Variants in ZNF280D observed in about 807,000 individuals in gnomAD.
The protein encoded by ZNF280D is suppressor of hairy wing homolog 4.
In ZNF280D, 39 loss-of-function variants were observed where a neutral mutation model predicts 94.7. The ratio of observed to expected loss-of-function variants is 0.41; its 90% CI spans 0.32 to 0.54. The LOEUF is 0.54. ZNF280D is among the 20% of genes least tolerant of loss of function. The pLI, the probability that ZNF280D is intolerant of heterozygous loss-of-function variation, is 0.22. For missense variants in ZNF280D, 1,090 were observed against 1,149.3 expected (o/e 0.95, Z 0.75); for synonymous variants, 398 against 377.6 (o/e 1.05, Z -0.63).
chr15:56,667,069 A>G, intron 14 of ZNF280D, 83 bp from the exon 15 acceptor site: 1 of 1,159,804 alleles, frequency 8.6e-7, no homozygotes, highest in Non-Finnish European at 1.2e-6. Context: ...AATAGTTAAA[A>G]ATCAAGAATT....
At chr15:56,711,493 G>C (rs1418002222) in intron 1 of ZNF280D, among the ~76,000 whole-genome samples, 1 of 151,782 alleles carries the variant, frequency 6.6e-6, no homozygotes, top group Non-Finnish European at 1.5e-5. Context: ...GGTGAAACCG[G>C]GACTCTACTA....
chr15:56,733,428 C>G, intron 1 of ZNF280D, 30 bp downstream of exon 1: 2 of 1,049,732 alleles, frequency 1.9e-6, no homozygotes, highest in Non-Finnish European at 2.3e-6. Context: ...TGCTGCAGCG[C>G]AGGGCGGGCG....
intron 4 of ZNF280D, among the ~76,000 whole-genome samples, chr15:56,701,579 C>T (rs1252830621): frequency 1.3e-5 from 2 of 152,066 alleles, no homozygotes; most frequent in East Asian, 3.9e-4. Context: ...TTTCCAAAAA[C>T]ATATTTATAT....
intron 19 of ZNF280D, among the ~76,000 whole-genome samples, chr15:56,650,721 A>G (rs1210028523): frequency 6.6e-6 from 1 of 152,188 alleles, no homozygotes; most frequent in African/African-American, 2.4e-5. Context: ...ACTTTTTGTC[A>G]AGAAAAAGAA....
intron 16 of ZNF280D, among the ~76,000 whole-genome samples, chr15:56,661,172 T>C (rs2053920480): frequency 6.6e-6 from 1 of 152,162 alleles, no homozygotes; most frequent in African/African-American, 2.4e-5. Context: ...TTCACTGCAG[T>C]TAGAAGACTC....
At position 56,704,590 on chromosome 15, in the gene ZNF280D, C is replaced by T. The variant is rs562245382; in HGVS notation, c.29-323G>A. Reference sequence around the variant, plus strand: ...ATTATCTCTACAAAAAGGATTATACCCACTGTCTTTTTAAAAATGTATTCA... The same window carrying T: ...ATTATCTCTACAAAAAGGATTATACTCACTGTCTTTTTAAAAATGTATTCA... On this transcript the variant is annotated intron_variant, in intron 3 of 21. Transcript: ENST00000267807. Among the ~76,000 whole-genome samples, 43 of 152,154 alleles carry T rather than the reference C, an allele frequency of 2.8e-4. No individual in the cohort carries two copies. In the South Asian group the frequency reaches 8.1e-3, roughly 29 times the overall value.
intron 10 of ZNF280D, among the ~76,000 whole-genome samples, chr15:56,680,446 G>T (rs1432320448): frequency 4.6e-5 from 7 of 152,020 alleles, no homozygotes; most frequent in African/African-American, 1.7e-4. Context: ...TACGTAGCTA[G>T]TCTTCATAAA....
In ZNF280D at chr15:56,631,797, T is replaced by C; in HGVS notation, c.2641A>G (p.Ile881Val). The C allele has an allele frequency of 6.2e-7, 1 of 1,614,118 alleles. No individual in the cohort carries two copies. Among genetic ancestry groups the C allele is most frequent in the South Asian group, 1.1e-5 (1 of 91,076 alleles). Residue 881 changes from isoleucine to valine, a missense_variant, in exon 22 of 22, where the codon ATT becomes GTT. Ile to Val is a conservative substitution (Grantham distance 29, BLOSUM62 3). This residue lies in a region of ZNF280D where 577 missense variants were observed against 568.8 expected (regional missense o/e 1.01). Transcript: ENST00000267807. Reference sequence around the variant, plus strand: ...TCTGATGCTAATCGCAAATCCTTAATATTCTTTGAAGAAAATCTGGCTTCA... The same window carrying C: ...TCTGATGCTAATCGCAAATCCTTAACATTCTTTGAAGAAAATCTGGCTTCA... ...SSEARFSSKN[I>V]KDLRLASDNV...
intron 9 of ZNF280D, among the ~76,000 whole-genome samples, chr15:56,684,346 A>T (rs1167462276): frequency 6.6e-6 from 1 of 152,204 alleles, no homozygotes; most frequent in African/African-American, 2.4e-5. Flanking sequence ...AAAAATGTAA[A>T]ATTCTAACAA....
chr15:56,678,612 T>G, intron 11 of ZNF280D, 52 bp downstream of exon 11: 1 of 1,378,802 alleles, frequency 7.3e-7, no homozygotes, highest in East Asian at 2.6e-5. Flanking sequence ...TTCTCACAAT[T>G]TATATTAGCG....
At chr15:56,651,799 A>G (rs1359897295) in intron 19 of ZNF280D, among the ~76,000 whole-genome samples, 4 of 152,044 alleles carry the variant, frequency 2.6e-5, no homozygotes, top group Non-Finnish European at 4.4e-5. Context: ...TTTCCCCCCA[A>G]ATATTTTCAA....
At chr15:56,727,983 T>C (rs969878700) in intron 1 of ZNF280D, among the ~76,000 whole-genome samples, 3 of 152,108 alleles carry the variant, frequency 2.0e-5, no homozygotes, top group Admixed American at 2.0e-4. Flanking sequence ...TCAAAGAAAA[T>C]GTGACAGTCT....
At chr15:56,669,874 T>A (rs1445254160) in intron 13 of ZNF280D, among the ~76,000 whole-genome samples, 2 of 3,970 alleles carry the variant, frequency 5.0e-4, no homozygotes, top group Non-Finnish European at 1.1e-3. Context: ...ATATATATTT[T>A]ATATATATAT....
chr15:56,689,316 C>A lies in ZNF280D; in HGVS notation c.654G>T (p.Gln218His), dbSNP rs753931533. The A allele has an allele frequency of 3.1e-6, 5 of 1,600,158 alleles. No homozygotes were observed. Among genetic ancestry groups the A allele is most frequent in the Non-Finnish European group, 4.3e-6 (5 of 1,175,658 alleles). Reference protein sequence around the residue: ...SVKSPSVTSSQAMLAKGTNTS... With the variant: ...SVKSPSVTSSHAMLAKGTNTS... Reference sequence around the variant, plus strand: ...CATATTTACCTTTTGCTAGCATAGCCTGGGAAGAAGTCACTGAAGGAGATT... The same window carrying A: ...CATATTTACCTTTTGCTAGCATAGCATGGGAAGAAGTCACTGAAGGAGATT... Residue 218 changes from glutamine (Q) to histidine (H), a missense_variant, in exon 8 of 22, where the codon CAG (glutamine) becomes CAT (histidine). Transcript: ENST00000267807.
chr15:56,657,683 T>C (rs1220884819), intron 17 of ZNF280D, among the ~76,000 whole-genome samples: 2 of 152,176 alleles, frequency 1.3e-5, no homozygotes, highest in African/African-American at 2.4e-5. Flanking sequence ...TACCACTTTA[T>C]ACCCATTAGG....
Position 56,635,106 on chromosome 15 carries a change from T to C in ZNF280D, c.2315+89A>G, listed in dbSNP as rs1177882130. The C allele has an allele frequency of 4.1e-6, 3 of 734,628 alleles. No homozygotes were observed. In the East Asian group the frequency reaches 9.6e-5, roughly 23 times the overall value. 45.5% of individuals were successfully genotyped at this position (734,628 alleles called of 1,614,324 possible). A position where few individuals can be genotyped will look rare whatever the true frequency, so the allele number is the denominator to read the frequency against. Reference sequence around the variant, plus strand: ...GCACTATATACAAACATTTAAATAGTCCTTTGCCAGTTAACTGTGAAATAA... The same window carrying C: ...GCACTATATACAAACATTTAAATAGCCCTTTGCCAGTTAACTGTGAAATAA... On this transcript the variant is annotated intron_variant, in intron 21 of 21. Transcript: ENST00000267807.
chr15:56,683,379 G>C (rs188691070), intron 9 of ZNF280D, among the ~76,000 whole-genome samples: 1 of 152,254 alleles, frequency 6.6e-6, no homozygotes, highest in African/African-American at 2.4e-5. Flanking sequence ...TAGGAGGATA[G>C]AGCAAGCTAC....
chr15:56,709,847 G>A (rs543903192), intron 1 of ZNF280D, among the ~76,000 whole-genome samples: 12 of 152,200 alleles, frequency 7.9e-5, no homozygotes, highest in Admixed American at 4.6e-4. Context: ...ATCACACACC[G>A]GGGCCTGTCG....
intron 16 of ZNF280D, among the ~76,000 whole-genome samples, chr15:56,659,082 G>T (rs1290251014): frequency 6.7e-6 from 1 of 150,198 alleles, no homozygotes; most frequent in Non-Finnish European, 1.5e-5. Flanking sequence ...TCAAACTCCT[G>T]GGCTCAAGTG....
Sources: gnomAD v4.1 joint callset for allele counts (sites outside exome capture counted in the v4.1 genomes callset) on GRCh38, gnomAD v4.1.1 for gene constraint, gnomAD v4.1.1 regional missense constraint, MANE v1.5 for transcripts, NCBI Gene and HGNC (gene_info 2026-07-23, HGNC 2026-07-21) for gene names.